SCAPER: variants seen among roughly 807,000 people sequenced by gnomAD.
SCAPER encodes S phase cyclin A-associated protein in the endoplasmic reticulum.
SCAPER carries 98 observed loss-of-function variants against 182.2 expected under a neutral mutation model. The ratio of observed to expected loss-of-function variants is 0.54; its 90% CI spans 0.46 to 0.64. The LOEUF (loss-of-function observed/expected upper bound fraction) is 0.64, where lower values mean the gene tolerates loss of function less well. SCAPER is among the 30% of genes least tolerant of loss of function. The probability of loss-of-function intolerance (pLI) is 0.00; values close to 1 mark genes in which losing one functional copy is unlikely to be tolerated. For missense variants in SCAPER, 1,432 were observed against 1,690.0 expected (o/e 0.85, Z 2.68); for synonymous variants, 605 against 564.6 (o/e 1.07, Z -1.01).
In SCAPER at chr15:76,734,952, T is replaced by C. The variant is rs560724895; in HGVS notation, c.1867-1568A>G. ...TATTCAGACTATATCATAAACATAA[T>C]CAAAATGAAAGAAAAAGTAATGGGA... On this transcript the variant is annotated intron_variant, in intron 15 of 31. Transcript: ENST00000563290. Among the ~76,000 whole-genome samples the C allele has an allele frequency of 3.3e-5, 5 of 152,032 alleles. No homozygotes were observed. In the South Asian group the frequency reaches 1.0e-3, roughly 32 times the overall value.
chr15:76,900,064 T>C (rs1242626400), intron 1 of SCAPER, among the ~76,000 whole-genome samples: 4 of 152,194 alleles, frequency 2.6e-5, no homozygotes, highest in African/African-American at 9.6e-5. Flanking sequence ...CTCTGAAACA[T>C]GTGCTGTGTC....
intron 20 of SCAPER, among the ~76,000 whole-genome samples, chr15:76,697,977 A>T (rs994323346): frequency 7.9e-5 from 12 of 152,088 alleles, no homozygotes; most frequent in African/African-American, 2.9e-4. Context: ...ATCCTTTACA[A>T]TGGGAATTAT....
At position 76,766,932 on chromosome 15, in the gene SCAPER, C is replaced by G; in HGVS notation, c.1405G>C (p.Asp469His). 6.3e-7 allele frequency: 1 copy of G among 1,596,138 alleles called. No homozygotes were observed. Among genetic ancestry groups the G allele is most frequent in the Non-Finnish European group, 8.5e-7 (1 of 1,175,496 alleles). The change falls in exon 11 of 32, where the codon GAC (aspartate) becomes CAC (histidine). Residue 469 changes from aspartate (D) to histidine (H), a missense_variant. Coordinates refer to ENST00000563290, the MANE Select transcript of SCAPER (RefSeq NM_020843.4). ...TAAAAGCTCACAGAAAAATCACTGT[C>G]GTTGTCAGTTTCAATGTTAATATCA... The part of the protein sequence containing the change: ...NNDINIETDN[D>H]SDFSASMGSG...
At position 76,753,868 on chromosome 15, in the gene SCAPER, C is replaced by T. The variant is rs376789782; in HGVS notation, c.1806G>A (p.Glu602=). Residue 602 remains glutamate, a synonymous_variant, in exon 15 of 32, where the codon GAG becomes GAA. Coordinates refer to ENST00000563290, the MANE Select transcript of SCAPER (RefSeq NM_020843.4). ...CTTGTAACTGCACTTCTCGCTTAAA[C>T]TCAGCATGAAGTAATTTTTCTTCCA... The part of the protein sequence containing the change: ...RMMEEKLLHA[E]FKREVQLQAI... 2.5e-6 allele frequency: 4 copies of T among 1,613,164 alleles called. No individual in the cohort carries two copies. Among genetic ancestry groups the T allele is most frequent in the South Asian group, 1.1e-5 (1 of 91,024 alleles).
intron 24 of SCAPER, chr15:76,498,625 C>G (rs1444551002): frequency 6.6e-6 from 1 of 152,248 alleles, no homozygotes; most frequent in Non-Finnish European, 1.5e-5. Context: ...GAGCCACATA[C>G]ATGGTTGCTG....
chr15:76,524,689 G>GTTTTTTTTTTTTTTTTTTTTTTTT (rs35944222), intron 23 of SCAPER, among the ~76,000 whole-genome samples: 1 of 50,116 alleles, frequency 2.0e-5, no homozygotes, highest in African/African-American at 8.3e-5. Flanking sequence ...TTTTTGTTCT[G>GTTTTTTTTTTTTTTTTTTTTTTTT]TTTTTTTTTT....
intron 1 of SCAPER, among the ~76,000 whole-genome samples, chr15:76,897,018 C>T (rs1207896287): frequency 6.6e-6 from 1 of 152,024 alleles, no homozygotes; most frequent in East Asian, 1.9e-4. Context: ...CCAAGTCTGC[C>T]AATTACAAAC....
At chr15:76,512,205 A>C (rs1388148384) in intron 23 of SCAPER, among the ~76,000 whole-genome samples, 2 of 151,362 alleles carry the variant, frequency 1.3e-5, no homozygotes, top group African/African-American at 4.9e-5. Context: ...ACATGGTTTT[A>C]ACTGCTAAAA....
chr15:76,522,431 T>C (rs1470289470), intron 23 of SCAPER, among the ~76,000 whole-genome samples: 1 of 152,138 alleles, frequency 6.6e-6, no homozygotes, highest in Non-Finnish European at 1.5e-5. Flanking sequence ...TAAACTAATT[T>C]TTAAGTTTTA....
At chr15:76,436,435 T>A (rs1217858091) in intron 25 of SCAPER, among the ~76,000 whole-genome samples, 1 of 152,188 alleles carries the variant, frequency 6.6e-6, no homozygotes, top group Non-Finnish European at 1.5e-5. Context: ...GCTGTTCATC[T>A]TTTTATGTTT....
chr15:76,552,860 C>T (rs1419943530), intron 23 of SCAPER, among the ~76,000 whole-genome samples: 1 of 152,134 alleles, frequency 6.6e-6, no homozygotes, highest in Non-Finnish European at 1.5e-5. Context: ...ATAGCGCTCG[C>T]ACTACTTGCT....
chr15:76,807,431 G>A (rs771470427), intron 5 of SCAPER, among the ~76,000 whole-genome samples: 34 of 151,954 alleles, frequency 2.2e-4, no homozygotes, highest in Non-Finnish European at 5.0e-4. Flanking sequence ...CTTTTTATGT[G>A]CTGCTAGATT....
intron 1 of SCAPER, among the ~76,000 whole-genome samples, chr15:76,894,878 A>G (rs1291118400): frequency 6.6e-6 from 1 of 152,158 alleles, no homozygotes; most frequent in African/African-American, 2.4e-5. Flanking sequence ...AAGTAAGAAG[A>G]CTGATTTTTT....
At position 76,568,210 on chromosome 15, in the gene SCAPER, T is replaced by C. The variant is rs561660443; in HGVS notation, c.2838+5948A>G. Among the ~76,000 whole-genome samples the C allele has an allele frequency of 5.0e-3, 749 of 149,620 alleles. 10 individuals are homozygous for C. Among genetic ancestry groups the C allele is most frequent in the African/African-American group, 0.018 (725 of 40,376 alleles). ...TCAAGCATATATATATATATATATATATATATATATATATACAAATGGGAC... is the reference window on the plus strand; with the variant it reads ...TCAAGCATATATATATATATATATACATATATATATATATACAAATGGGAC... On this transcript the variant is annotated intron_variant, in intron 23 of 31. Coordinates refer to ENST00000563290, the MANE Select transcript of SCAPER (RefSeq NM_020843.4).
chr15:76,883,705 T>C (rs1489802398), intron 2 of SCAPER, 107 bp downstream of exon 2: 3 of 920,854 alleles, frequency 3.3e-6, no homozygotes, highest in East Asian at 3.0e-5. Flanking sequence ...GACAATGTGT[T>C]CCATAGGGTA....
chr15:76,642,474 T>C (rs983335461), intron 21 of SCAPER, among the ~76,000 whole-genome samples: 2 of 152,212 alleles, frequency 1.3e-5, no homozygotes, highest in Non-Finnish European at 2.9e-5. Flanking sequence ...ATCCAAATAT[T>C]AATATTACAT....
chr15:76,765,369 C>T lies in SCAPER; in HGVS notation c.1581G>A (p.Met527Ile). Residue 527 changes from methionine to isoleucine, a missense_variant, in exon 13 of 32, where the codon ATG becomes ATA. Coordinates refer to ENST00000563290, the MANE Select transcript of SCAPER (RefSeq NM_020843.4). ...GAGAGGGTGAAGAAAGTTTTTCATG[C>T]ATGTGAATTCCATGCCCTGGAGGTC... ...PARPPGHGIH[M>I]HEKLSSPSRK... 6.2e-7 allele frequency: 1 copy of T among 1,613,402 alleles called. No individual in the cohort carries two copies. The highest frequency in any genetic ancestry group is 8.5e-7 in the Non-Finnish European group (1 of 1,179,660).
chr15:76,438,808 G>C (rs1170064445), intron 25 of SCAPER, among the ~76,000 whole-genome samples: 2 of 152,086 alleles, frequency 1.3e-5, no homozygotes, highest in Non-Finnish European at 2.9e-5. Context: ...TTTTTTCATA[G>C]AAAATTTCAT....
chr15:76,883,389 G>T (rs1468791214), intron 2 of SCAPER, among the ~76,000 whole-genome samples: 1 of 152,150 alleles, frequency 6.6e-6, no homozygotes, highest in Non-Finnish European at 1.5e-5. Flanking sequence ...GGCTCTCTGG[G>T]GAATTTCACA....
Sources: allele counts gnomAD v4.1 joint callset (sites outside exome capture counted in the v4.1 genomes callset), GRCh38; gene constraint gnomAD v4.1.1; transcripts MANE v1.5; gene names NCBI Gene and HGNC (gene_info 2026-07-23, HGNC 2026-07-21).